The following KCNH1 variants were observed in gnomAD, a reference collection of about 807,000 sequenced individuals.
KCNH1 encodes voltage-gated delayed rectifier potassium channel KCNH1.
In KCNH1, 27 loss-of-function variants were observed where a neutral mutation model predicts 69.2. The ratio of observed to expected loss-of-function variants is 0.39; its 90% CI spans 0.29 to 0.54. The LOEUF (loss-of-function observed/expected upper bound fraction) is 0.54, where lower values mean the gene tolerates loss of function less well. Among genes scored for constraint, KCNH1 ranks in the 20% least tolerant of loss-of-function variants. The pLI is 0.68. For synonymous variants in KCNH1, 456 were observed against 487.7 expected (o/e 0.93, Z 0.86); for missense variants, 798 against 1,261.6 (o/e 0.63, Z 5.57).
chr1:210,730,823 C>G (rs1386037518), intron 10 of KCNH1, among the ~76,000 whole-genome samples: 1 of 152,174 alleles, frequency 6.6e-6, no homozygotes, highest in Non-Finnish European at 1.5e-5. Flanking sequence ...TTGGAATGCC[C>G]ATGTTGCCTA....
At position 210,683,988 on chromosome 1, in the gene KCNH1, C is replaced by T. The variant is rs759458677; in HGVS notation, c.2263G>A (p.Glu755Lys). The T allele has an allele frequency of 1.9e-6, 3 of 1,599,402 alleles. No individual in the cohort carries two copies. The South Asian group carries it at 3.3e-5, about 18-fold the overall frequency. The change falls in exon 11 of 11, where the codon GAG (glutamate) becomes AAG (lysine). Residue 755 changes from glutamate to lysine, a missense_variant. Around this residue, in one of 4 missense-constraint regions of KCNH1, gnomAD observed 331 missense variants for 363.2 expected, o/e 0.91. Transcript: ENST00000271751. The surrounding 1 kb of genome is among the most constrained non-coding windows in gnomAD (Gnocchi z 5.7). ...RQQKEARLAA[E>K]RGGRDLDDLD... ...TCATCCAGGTCCCGGCCCCCTCTCT[C>T]AGCTGCCAGCCTGGCCTCTTTCTGC...
intron 6 of KCNH1, among the ~76,000 whole-genome samples, chr1:211,010,675 T>C (rs1246122551): frequency 8.5e-5 from 13 of 152,160 alleles, no homozygotes; most frequent in Admixed American, 8.5e-4. Flanking sequence ...TGTTGTAGGC[T>C]GTAACACCTT....
intron 6 of KCNH1, among the ~76,000 whole-genome samples, chr1:210,923,981 T>C (rs1687514936): frequency 6.6e-6 from 1 of 151,856 alleles, no homozygotes; most frequent in East Asian, 1.9e-4. Flanking sequence ...CTGGTGTCCT[T>C]ATAAGAAGAG....
In KCNH1 at chr1:211,004,152, A is replaced by G. The variant is rs1049579593; in HGVS notation, c.1032+14631T>C. Among the ~76,000 whole-genome samples the G allele has an allele frequency of 7.9e-5, 12 of 152,284 alleles. No individual in the cohort carries two copies. In the East Asian group the frequency reaches 2.3e-3, roughly 29 times the overall value. ...CATGAATCCAATCACACCAGTGCAA[A>G]TATCTTTCAAGAATTAAAACAAAAT... On this transcript the variant is annotated intron_variant, in intron 6 of 10. Transcript: ENST00000271751.
chr1:210,769,939 G>T (rs1031788806), intron 10 of KCNH1, among the ~76,000 whole-genome samples: 1 of 152,138 alleles, frequency 6.6e-6, no homozygotes, highest in Non-Finnish European at 1.5e-5. Context: ...GTATTGAGTG[G>T]TTCCTGCAGG....
chr1:211,100,988 C>A (rs1691247510), intron 3 of KCNH1, among the ~76,000 whole-genome samples: 1 of 152,224 alleles, frequency 6.6e-6, no homozygotes, highest in Non-Finnish European at 1.5e-5. Flanking sequence ...CTCTCCGCTG[C>A]AGCCCTTTTC....
intron 7 of KCNH1, among the ~76,000 whole-genome samples, chr1:210,822,249 G>A (rs1684944114): frequency 6.6e-6 from 1 of 152,042 alleles, no homozygotes; most frequent in Non-Finnish European, 1.5e-5. Flanking sequence ...CAGGGAAGTG[G>A]AGAAGGCAGA....
chr1:210,928,841 C>T (rs1296031684), intron 6 of KCNH1, among the ~76,000 whole-genome samples: 11 of 151,978 alleles, frequency 7.2e-5, no homozygotes, highest in Non-Finnish European at 1.5e-4. Context: ...ACAAACGAAA[C>T]GAGAGATACT....
At chr1:210,724,842 T>G (rs1682551600) in intron 10 of KCNH1, among the ~76,000 whole-genome samples, 1 of 152,176 alleles carries the variant, frequency 6.6e-6, no homozygotes, top group African/African-American at 2.4e-5. Context: ...AATGAATGCT[T>G]CAGTTAATAG....
intron 7 of KCNH1, among the ~76,000 whole-genome samples, chr1:210,903,596 G>C (rs1002447477): frequency 6.6e-6 from 1 of 152,038 alleles, no homozygotes; most frequent in Non-Finnish European, 1.5e-5. Context: ...TGATGTACCT[G>C]GTATAAAGCA....
intron 10 of KCNH1, among the ~76,000 whole-genome samples, chr1:210,755,726 C>CAA (rs1683384413): frequency 6.6e-6 from 1 of 152,202 alleles, no homozygotes; most frequent in Non-Finnish European, 1.5e-5. Context: ...TACACTTTGA[C>CAA]TTTATTTCTC....
At chr1:210,922,629 C>T (rs1443216280) in intron 6 of KCNH1, among the ~76,000 whole-genome samples, 1 of 152,048 alleles carries the variant, frequency 6.6e-6, no homozygotes, top group Non-Finnish European at 1.5e-5. Flanking sequence ...TTTTCCCTAC[C>T]TGTGTTTTTC....
At chr1:211,093,927 G>A (rs1216657594) in intron 3 of KCNH1, among the ~76,000 whole-genome samples, 1 of 152,156 alleles carries the variant, frequency 6.6e-6, no homozygotes, top group Non-Finnish European at 1.5e-5. Flanking sequence ...AGGAGGAGAA[G>A]CCTGCAGTTC....
chr1:210,922,348 C>T (rs1687476958), intron 6 of KCNH1, among the ~76,000 whole-genome samples: 1 of 130,560 alleles, frequency 7.7e-6, no homozygotes, highest in Non-Finnish European at 1.6e-5. Context: ...CGTGCCACTG[C>T]ACTCCAGCCT....
At chr1:211,085,357 G>A (rs1690933869) in intron 4 of KCNH1, among the ~76,000 whole-genome samples, 1 of 151,922 alleles carries the variant, frequency 6.6e-6, no homozygotes, top group South Asian at 2.1e-4. Flanking sequence ...GGTAAGTTAA[G>A]AAATTTGAAC....
chr1:210,692,862 G>A (rs1228581226), intron 10 of KCNH1, among the ~76,000 whole-genome samples: 1 of 152,196 alleles, frequency 6.6e-6, no homozygotes, highest in Non-Finnish European at 1.5e-5. Flanking sequence ...CTGGCCTCCA[G>A]AACTGTGAAA....
intron 6 of KCNH1, among the ~76,000 whole-genome samples, chr1:211,005,598 C>T (rs184008771): frequency 6.7e-4 from 102 of 152,088 alleles, no homozygotes; most frequent in Non-Finnish European, 4.4e-4. Flanking sequence ...ATAGCATACA[C>T]GATAATCAGT....
chr1:210,898,218 T>G (rs1403095190), intron 7 of KCNH1, among the ~76,000 whole-genome samples: 1 of 152,212 alleles, frequency 6.6e-6, no homozygotes, highest in Admixed American at 6.5e-5. Flanking sequence ...TTGTCACTTG[T>G]TTATAATAAT....
At chr1:210,981,909 T>C (rs1052348306) in intron 6 of KCNH1, among the ~76,000 whole-genome samples, 1 of 152,140 alleles carries the variant, frequency 6.6e-6, no homozygotes, top group Non-Finnish European at 1.5e-5. Flanking sequence ...TGGTCACATG[T>C]ATGTGGGCAC....
Sources: gnomAD v4.1 joint callset for allele counts (sites outside exome capture counted in the v4.1 genomes callset) on GRCh38, gnomAD v4.1.1 for gene constraint, gnomAD v4.1.1 regional missense constraint, Gnocchi (gnomAD v3.1) non-coding constraint, MANE v1.5 for transcripts, NCBI Gene and HGNC (gene_info 2026-07-23, HGNC 2026-07-21) for gene names.